HMCN1: variants seen among roughly 807,000 people sequenced by gnomAD.
The protein encoded by HMCN1 is hemicentin-1.
HMCN1 carries 321 observed loss-of-function variants against 625.9 expected under a neutral mutation model. That is an observed-to-expected ratio of 0.51 (90% CI 0.47 to 0.56). HMCN1 has a LOEUF of 0.56. Among genes scored for constraint, HMCN1 ranks in the 20% least tolerant of loss-of-function variants. The pLI, the probability that HMCN1 is intolerant of heterozygous loss-of-function variation, is 0.00. For missense variants in HMCN1, 6,588 were observed against 6,887.3 expected, an observed-to-expected ratio of 0.96 and a Z score of 1.54; for synonymous variants, 2,425 against 2,417.6, an observed-to-expected ratio of 1.00 and a Z score of -0.09.
At chr1:186,164,158 C>T (rs2208692) in intron 97 of HMCN1, among the ~76,000 whole-genome samples, 1 of 151,978 alleles carries the variant, frequency 6.6e-6, no homozygotes, top group South Asian at 2.1e-4. Context: ...CATGAGCAGG[C>T]AGACTTGGAT....
At chr1:185,951,416 C>G (rs1273106448) in intron 11 of HMCN1, among the ~76,000 whole-genome samples, 1 of 151,158 alleles carries the variant, frequency 6.6e-6, no homozygotes, top group Non-Finnish European at 1.5e-5. Flanking sequence ...GGGAAACGGG[C>G]CCTTGAAAAG....
intron 63 of HMCN1, among the ~76,000 whole-genome samples, chr1:186,089,721 G>A (rs1171217840): frequency 6.6e-6 from 1 of 151,822 alleles, no homozygotes; most frequent in African/African-American, 2.4e-5. Flanking sequence ...AATAGTATAT[G>A]CATATAGGAC....
intron 35 of HMCN1, among the ~76,000 whole-genome samples, chr1:186,022,746 C>T (rs779871302): frequency 2.6e-5 from 4 of 151,474 alleles, no homozygotes; most frequent in Non-Finnish European, 5.9e-5. Flanking sequence ...CTTCATAGTT[C>T]AGTGCTAAAG....
intron 1 of HMCN1, among the ~76,000 whole-genome samples, chr1:185,812,763 G>C (rs1333808510): frequency 6.6e-6 from 1 of 151,892 alleles, no homozygotes; most frequent in African/African-American, 2.4e-5. Flanking sequence ...TCTCAATATT[G>C]ACACTTTCTT....
In HMCN1 at chr1:186,144,244, A is replaced by G; in HGVS notation, c.13996A>G (p.Arg4666Gly). ...AAGTTGTGGGAAAGGTACTCAGACA[A>G]GAGCAAGACTTTGTAATAACCCACC... ...SESCGKGTQTRARLCNNPPPA... is the reference protein window; with the variant it reads ...SESCGKGTQTGARLCNNPPPA... The change falls in exon 90 of 107, where the codon AGA becomes GGA. Residue 4666 changes from arginine to glycine, a missense_variant. Transcript: ENST00000271588. The G allele has an allele frequency of 6.2e-7, 1 of 1,613,640 alleles. No homozygotes were observed. Among genetic ancestry groups the G allele is most frequent in the Non-Finnish European group, 8.5e-7 (1 of 1,179,804 alleles).
chr1:185,801,400 T>G (rs537180885), intron 1 of HMCN1, among the ~76,000 whole-genome samples: 23 of 152,334 alleles, frequency 1.5e-4, no homozygotes, highest in Non-Finnish European at 3.1e-4. Flanking sequence ...TTCAGTACTC[T>G]AGGTTTGTAG....
rs996465618 is a variant in HMCN1 at position 186,122,264 on chromosome 1, A to C, written c.12230-687A>C. Among the ~76,000 whole-genome samples the C allele has an allele frequency of 5.7e-4, 87 of 152,216 alleles. 1 individual carries two copies. The highest frequency in any genetic ancestry group is 2.0e-3 in the African/African-American group (84 of 41,456). ...CAACCAAATAATTTTGTTGCTATAAATAATCTTAATACGATTATCAGTTAT... is the reference window on the plus strand; with the variant it reads ...CAACCAAATAATTTTGTTGCTATAACTAATCTTAATACGATTATCAGTTAT... On this transcript the variant is annotated intron_variant, in intron 80 of 106. Transcript: ENST00000271588.
At chr1:185,890,373 T>C (rs1664983926) in intron 4 of HMCN1, among the ~76,000 whole-genome samples, 1 of 147,902 alleles carries the variant, frequency 6.8e-6, no homozygotes, top group African/African-American at 2.7e-5. Context: ...GGTTTTCTCT[T>C]GCTTTTCTAG....
chr1:185,862,656 G>A (rs1245912805), intron 2 of HMCN1, among the ~76,000 whole-genome samples: 6 of 152,142 alleles, frequency 3.9e-5, no homozygotes, highest in Non-Finnish European at 8.8e-5. Flanking sequence ...TAGTTGTTGA[G>A]AGCGGTGTTA....
chr1:185,977,817 A>G lies in HMCN1; in HGVS notation c.2402A>G (p.Asp801Gly), dbSNP rs756145210. 1 of 1,612,966 alleles carries G rather than the reference A, an allele frequency of 6.2e-7. No individual in the cohort carries two copies. The change falls in exon 16 of 107, where the codon GAT becomes GGT. Residue 801 changes from aspartate to glycine, a missense_variant. Asp to Gly is a moderately conservative substitution (Grantham distance 94). This residue lies in a region of HMCN1 where 4,628 missense variants were observed against 4,853.1 expected (regional missense o/e 0.95). Transcript: ENST00000271588. ...SPPVFIQEPA[D>G]VSMEIGSNVT... ...CCAGTTTTCATACAAGAACCTGCTG[A>G]TGTGTCTATGGAAATTGGCTCAAAT...
At chr1:185,779,371 T>C (rs566665424) in intron 1 of HMCN1, among the ~76,000 whole-genome samples, 1 of 152,372 alleles carries the variant, frequency 6.6e-6, no homozygotes, top group South Asian at 2.1e-4. Context: ...TTTGTCAATT[T>C]TGGCTTTTGT....
Position 186,033,096 on chromosome 1 carries a change from C to G in HMCN1, c.5750-4838C>G, listed in dbSNP as rs571079717. 1.3e-4 allele frequency among the ~76,000 whole-genome samples: 18 copies of G among 142,580 alleles called. No homozygotes were observed. In the South Asian group the frequency reaches 2.6e-3, roughly 21 times the overall value. The allele number at this position is 142,580 out of a possible 152,430, so 93.5% of individuals were successfully genotyped here. On this transcript the variant is annotated intron_variant, in intron 36 of 106. Transcript: ENST00000271588. Reference sequence around the variant, plus strand: ...CACACACACACACACACACACACACCATGGAATACTACTCAACCATAAAAA... The same window carrying G: ...CACACACACACACACACACACACACGATGGAATACTACTCAACCATAAAAA...
At chr1:185,945,700 A>T (rs1668306023) in intron 11 of HMCN1, among the ~76,000 whole-genome samples, 2 of 152,172 alleles carry the variant, frequency 1.3e-5, no homozygotes, top group Admixed American at 6.6e-5. Flanking sequence ...TTTGCTAGGA[A>T]GAAGTCAGGA....
chr1:185,883,390 C>T (rs1571497687), intron 4 of HMCN1, among the ~76,000 whole-genome samples: 1 of 152,094 alleles, frequency 6.6e-6, no homozygotes, highest in East Asian at 1.9e-4. Flanking sequence ...TTAAAACTTC[C>T]CTTATGCCCC....
chr1:185,787,143 G>A (rs989121671), intron 1 of HMCN1, among the ~76,000 whole-genome samples: 2 of 119,196 alleles, frequency 1.7e-5, no homozygotes, highest in Non-Finnish European at 3.2e-5. Flanking sequence ...CATGATGTAT[G>A]TGTGTGTGTG....
intron 20 of HMCN1, among the ~76,000 whole-genome samples, chr1:185,987,855 GT>G (rs2102019432): frequency 6.7e-6 from 1 of 148,158 alleles, no homozygotes; most frequent in Non-Finnish European, 1.5e-5. Flanking sequence ...TAAAGCCCTG[GT>G]CCAAAAAAAA....
At position 185,986,415 on chromosome 1, in the gene HMCN1, C is replaced by T. The variant is rs539780330; in HGVS notation, c.2936-1017C>T. On this transcript the variant is annotated intron_variant, in intron 19 of 106. Coordinates refer to ENST00000271588, the MANE Select transcript of HMCN1 (RefSeq NM_031935.3). ...ATCTTTCCAGAGGATGGAAAGGAAA[C>T]GCCTGTTATAGATTGGGCTTTTATT... is the stretch of plus-strand genomic sequence containing the variant. Among the ~76,000 whole-genome samples the T allele has an allele frequency of 1.5e-4, 23 of 152,186 alleles. No individual in the cohort carries two copies. In the East Asian group the frequency reaches 2.5e-3, roughly 17 times the overall value.
intron 68 of HMCN1, among the ~76,000 whole-genome samples, chr1:186,100,106 G>A (rs1660318172): frequency 6.6e-6 from 1 of 151,978 alleles, no homozygotes; most frequent in South Asian, 2.1e-4. Context: ...CAGAATCACA[G>A]ACTGGTGCAT....
chr1:185,820,701 T>C (rs1660131696), intron 1 of HMCN1, among the ~76,000 whole-genome samples: 1 of 152,124 alleles, frequency 6.6e-6, no homozygotes, highest in African/African-American at 2.4e-5. Context: ...ATGATTAAAA[T>C]CAAGCTGAAG....
Sources: gnomAD v4.1 joint callset for allele counts (sites outside exome capture counted in the v4.1 genomes callset) on GRCh38, gnomAD v4.1.1 for gene constraint, gnomAD v4.1.1 regional missense constraint, MANE v1.5 for transcripts, NCBI Gene and HGNC (gene_info 2026-07-23, HGNC 2026-07-21) for gene names.